The following KIF9 variants were observed in gnomAD, a reference collection of about 807,000 sequenced individuals.
KIF9 encodes kinesin-like protein KIF9.
In KIF9, 68 loss-of-function variants were observed where a neutral mutation model predicts 94.8. That is an observed-to-expected ratio of 0.72 (90% CI 0.59 to 0.88). The LOEUF is 0.88. KIF9 is among the 40% of genes least tolerant of loss of function. The pLI is 0.00. For synonymous variants in KIF9, 343 were observed against 362.1 expected (o/e 0.95, Z 0.60); for missense variants, 882 against 982.5 (o/e 0.90, Z 1.37).
chr3:47,256,966 C>T (rs1055613011), intron 10 of KIF9, among the ~76,000 whole-genome samples: 1 of 152,008 alleles, frequency 6.6e-6, no homozygotes, highest in Non-Finnish European at 1.5e-5. Context: ...AGAGTCATCA[C>T]CACTCCCTAA....
intron 9 of KIF9, among the ~76,000 whole-genome samples, chr3:47,258,018 A>C (rs964570809): frequency 2.0e-5 from 3 of 151,936 alleles, no homozygotes; most frequent in Non-Finnish European, 4.4e-5. Context: ...CCCTTCCACA[A>C]ACCACAGTGA....
At chr3:47,242,623 G>A (rs561562610) in intron 16 of KIF9, among the ~76,000 whole-genome samples, 38 of 152,256 alleles carry the variant, frequency 2.5e-4, no homozygotes, top group African/African-American at 8.7e-4. Flanking sequence ...AATAAATGAT[G>A]AAATAAACAT....
At chr3:47,257,601 A>G (rs1178001190) in intron 9 of KIF9, 41 bp from the exon 10 acceptor site, 5 of 1,561,710 alleles carry the variant, frequency 3.2e-6, no homozygotes, top group East Asian at 2.2e-5. Flanking sequence ...GCTCGCCACT[A>G]AAGTGAGACC....
At chr3:47,241,880 ATATATT>A (rs1439460224) in intron 16 of KIF9, among the ~76,000 whole-genome samples, 15 of 99,120 alleles carry the variant, frequency 1.5e-4, no homozygotes, top group East Asian at 6.0e-4. Context: ...ATATATATAT[ATATATT>A]TTTTTTTTTT....
At chr3:47,240,289 CG>C (rs573458726) in intron 17 of KIF9, 163 of 215,058 alleles carry the variant, frequency 7.6e-4, no homozygotes, top group African/African-American at 3.1e-3. Context: ...CAGACCAGCA[CG>C]GGTGTCAGGG....
chr3:47,247,535 G>A (rs1700006038), intron 11 of KIF9, 58 bp from the exon 12 acceptor site: 2 of 1,352,080 alleles, frequency 1.5e-6, no homozygotes, highest in Non-Finnish European at 2.1e-6. Context: ...CCACAGGGGA[G>A]TGGCAGGGGC....
intron 20 of KIF9, among the ~76,000 whole-genome samples, chr3:47,229,759 A>G (rs990354756): frequency 4.6e-5 from 7 of 150,624 alleles, no homozygotes; most frequent in Non-Finnish European, 1.0e-4. Flanking sequence ...TTTGAGATGG[A>G]GTCTCGCTCT....
intron 10 of KIF9, among the ~76,000 whole-genome samples, chr3:47,250,045 T>A (rs1183254224): frequency 2.0e-5 from 3 of 150,396 alleles, no homozygotes; most frequent in East Asian, 3.9e-4. Context: ...CGAGTCACTG[T>A]CTCAAAAAAA....
intron 4 of KIF9, among the ~76,000 whole-genome samples, chr3:47,272,680 AT>A (rs1701721058): frequency 6.6e-6 from 1 of 152,258 alleles, no homozygotes; most frequent in Non-Finnish European, 1.5e-5. Flanking sequence ...ATTAAAATTA[AT>A]TTCATCTGTT....
chr3:47,249,525 C>G (rs1022720015), intron 10 of KIF9, among the ~76,000 whole-genome samples: 1 of 152,182 alleles, frequency 6.6e-6, no homozygotes, highest in Non-Finnish European at 1.5e-5. Context: ...TCATAGATTT[C>G]TGTAGAATAA....
intron 5 of KIF9, among the ~76,000 whole-genome samples, chr3:47,269,290 T>G (rs534968803): frequency 6.6e-6 from 1 of 152,318 alleles, no homozygotes; most frequent in East Asian, 1.9e-4. Flanking sequence ...TGATTTCTTT[T>G]CTTGTTTTTG....
Position 47,245,481 on chromosome 3 carries a change from C to T in KIF9, c.1320G>A (p.Leu440=), listed in dbSNP as rs1444388707. ...TGTCAATGAGGGTGTACTTCCTGCG[C>T]AAAGTGGACTCCACTTCCTGTTCCT... The part of the protein sequence containing the change: ...SQQEQEVEST[L]RRKYTLIDRN... The change falls in exon 14 of 21, where the codon TTG becomes TTA. Residue 440 remains leucine (L), a synonymous_variant. Coordinates refer to ENST00000684063, the MANE Select transcript of KIF9 (RefSeq NM_182902.4). The T allele has an allele frequency of 1.2e-6, 2 of 1,613,832 alleles. No homozygotes were observed. The highest frequency in any genetic ancestry group is 1.3e-5 in the African/African-American group (1 of 74,910).
rs1180837059 is a variant in KIF9, at chr3:47,257,522, G to C, written c.1020C>G (p.Val340=). ...TTTCATTGATGGCAGGCTCAGTGGT[G>C]ACTAGCTTCATCCTGCTGGCAAATC... The part of the protein sequence containing the change: ...SLRFASRMKL[V]TTEPAINEKY... Residue 340 remains valine, a synonymous_variant, in exon 10 of 21, where the codon GTC becomes GTG. Coordinates refer to ENST00000684063, the MANE Select transcript of KIF9 (RefSeq NM_182902.4). 1 of 1,613,988 alleles carries C rather than the reference G, an allele frequency of 6.2e-7. No individual in the cohort carries two copies. The highest frequency in any genetic ancestry group is 1.1e-5 in the South Asian group (1 of 91,082).
intron 13 of KIF9, chr3:47,245,845 G>A (rs1447220427): frequency 2.1e-6 from 1 of 474,858 alleles, no homozygotes; most frequent in Non-Finnish European, 3.8e-6. Context: ...GGAATCACAT[G>A]ACCAGCTTTA....
Position 47,228,518 on chromosome 3 carries a change from G to A in KIF9, c.*134C>T. The A allele has an allele frequency of 1.3e-6, 1 of 776,144 alleles. No homozygotes were observed. Among genetic ancestry groups the A allele is most frequent in the Non-Finnish European group, 2.3e-6 (1 of 440,864 alleles). 48.1% of individuals were successfully genotyped at this position (776,144 alleles called of 1,614,324 possible). ...GGAGGATGCTCCTCCCAACATGCAG[G>A]CCAAATGTGTTCTCTGTGCTGGGTC... is the stretch of plus-strand genomic sequence containing the variant. On this transcript the variant is annotated 3_prime_UTR_variant, in exon 21 of 21. Coordinates refer to ENST00000684063, the MANE Select transcript of KIF9 (RefSeq NM_182902.4).
intron 14 of KIF9, 95 bp from the exon 15 acceptor site, chr3:47,245,019 C>CA: frequency 1.3e-6 from 2 of 1,498,608 alleles, no homozygotes. Flanking sequence ...TCAGGGTGGA[C>CA]ATGTTCACCA....
chr3:47,257,196 T>A (rs540210956), intron 10 of KIF9, among the ~76,000 whole-genome samples: 1,766 of 150,952 alleles, frequency 0.012, 39 homozygotes, highest in African/African-American at 0.039. Context: ...AAAAAAAAAA[T>A]TTTTCTTCAT....
At chr3:47,263,433 T>C (rs948029320) in intron 9 of KIF9, among the ~76,000 whole-genome samples, 20 of 152,038 alleles carry the variant, frequency 1.3e-4, no homozygotes, top group Non-Finnish European at 2.6e-4. Flanking sequence ...CTGTGACAGC[T>C]CCAGCCACCT....
intron 9 of KIF9, among the ~76,000 whole-genome samples, chr3:47,262,711 T>C (rs1701060153): frequency 6.6e-6 from 1 of 152,176 alleles, no homozygotes; most frequent in South Asian, 2.1e-4. Context: ...AGCACTCTCC[T>C]TGGAAGCTGG....
Sources: allele counts gnomAD v4.1 joint callset (sites outside exome capture counted in the v4.1 genomes callset), GRCh38; gene constraint gnomAD v4.1.1; transcripts MANE v1.5; gene names NCBI Gene and HGNC (gene_info 2026-07-23, HGNC 2026-07-21).